The following PRKDC variants were observed in gnomAD, a reference collection of about 807,000 sequenced individuals.
PRKDC encodes DNA-dependent protein kinase catalytic subunit.
A neutral mutation model predicts 486.9 loss-of-function variants in PRKDC; 82 were observed. The ratio of observed to expected loss-of-function variants is 0.17; its 90% confidence interval spans 0.14 to 0.20. PRKDC has a LOEUF of 0.20. PRKDC is among the 10% of genes least tolerant of loss of function. PRKDC has a pLI of 1.00. For synonymous variants in PRKDC, 1,895 were observed against 1,837.0 expected (o/e 1.03, Z -0.81); for missense variants, 4,504 against 5,038.2 (o/e 0.89, Z 3.21).
At chr8:47,820,677 AC>A in intron 66 of PRKDC, 41 bp downstream of exon 66, 1 of 920,718 alleles carries the variant, frequency 1.1e-6, no homozygotes, top group Non-Finnish European at 1.5e-6. Context: ...ATATATATAC[AC>A]TATATATATA....
At chr8:47,831,008 A>C (rs1427116437) in intron 60 of PRKDC, among the ~76,000 whole-genome samples, 1 of 152,224 alleles carries the variant, frequency 6.6e-6, no homozygotes, top group Non-Finnish European at 1.5e-5. Flanking sequence ...AAGTATTTAA[A>C]AACCGGCTGG....
chr8:47,891,746 A>G (rs948651407), intron 31 of PRKDC, among the ~76,000 whole-genome samples: 9 of 152,148 alleles, frequency 5.9e-5, no homozygotes, highest in African/African-American at 2.2e-4. Context: ...ATTCTCAAAA[A>G]CCAAATATCC....
chr8:47,918,606 C>T (rs1434311249), intron 21 of PRKDC, among the ~76,000 whole-genome samples: 1 of 152,134 alleles, frequency 6.6e-6, no homozygotes, highest in South Asian at 2.1e-4. Flanking sequence ...ACTCCAGGGT[C>T]GAGAAGAGCA....
chr8:47,784,665 T>A (rs1301592399), intron 77 of PRKDC, among the ~76,000 whole-genome samples: 1 of 152,100 alleles, frequency 6.6e-6, no homozygotes, highest in Non-Finnish European at 1.5e-5. Flanking sequence ...ATTATGATCT[T>A]TTTTCCTGCA....
At chr8:47,831,034 G>C (rs1297226253) in intron 60 of PRKDC, among the ~76,000 whole-genome samples, 3 of 152,316 alleles carry the variant, frequency 2.0e-5, no homozygotes, top group African/African-American at 4.8e-5. Context: ...TGCATCTCTG[G>C]AAAGTCTCAC....
At position 47,881,472 on chromosome 8, in the gene PRKDC, C is replaced by A. The variant is rs781129481; in HGVS notation, c.5011G>T (p.Val1671Phe). Residue 1671 changes from valine (V) to phenylalanine (F), a missense_variant, in exon 38 of 86, where the codon GTC (valine) becomes TTC (phenylalanine). Val to Phe is a conservative substitution (Grantham distance 50, BLOSUM62 -1). Transcript: ENST00000314191. ...FNTSHGSFPEVFTTYISLLAD... is the reference protein window; with the variant it reads ...FNTSHGSFPEFFTTYISLLAD... ...AGTAGACTAATATATGTTGTAAAGA[C>A]TTCAGGGAATGAACCATGACTTGTA... The A allele has an allele frequency of 1.3e-6, 2 of 1,580,128 alleles. No homozygotes were observed. The highest frequency in any genetic ancestry group is 2.3e-5 in the South Asian group (2 of 88,014).
At chr8:47,876,119 T>C (rs928643154) in intron 40 of PRKDC, among the ~76,000 whole-genome samples, 1 of 152,222 alleles carries the variant, frequency 6.6e-6, no homozygotes, top group Non-Finnish European at 1.5e-5. Flanking sequence ...GGCAGTCAAC[T>C]GTAAATGGTC....
intron 39 of PRKDC, among the ~76,000 whole-genome samples, chr8:47,878,326 C>T (rs202095606): frequency 2.0e-5 from 3 of 152,082 alleles, no homozygotes; most frequent in East Asian, 1.9e-4. Context: ...AGGATGGTCT[C>T]GATCTCCTGA....
intron 69 of PRKDC, among the ~76,000 whole-genome samples, 160 bp downstream of exon 69, chr8:47,806,977 T>G (rs533759069): frequency 6.6e-6 from 1 of 152,238 alleles, no homozygotes; most frequent in East Asian, 1.9e-4. Context: ...ATTACAGGTG[T>G]GAGCCACTGC....
At chr8:47,834,167 T>C in intron 59 of PRKDC, 29 bp downstream of exon 59, 4 of 1,613,362 alleles carry the variant, frequency 2.5e-6, no homozygotes, top group Non-Finnish European at 3.4e-6. Flanking sequence ...GGGGAAGCTA[T>C]TTTAAGCACA....
chr8:47,948,128 G>A (rs1480403634), intron 7 of PRKDC, among the ~76,000 whole-genome samples: 2 of 144,724 alleles, frequency 1.4e-5, no homozygotes, highest in Non-Finnish European at 3.0e-5. Context: ...ACACACACGC[G>A]TTTATATATA....
chr8:47,955,288 T>C (rs1318044444), intron 4 of PRKDC, among the ~76,000 whole-genome samples: 1 of 150,642 alleles, frequency 6.6e-6, no homozygotes, highest in Non-Finnish European at 1.5e-5. Context: ...CGGTGAAACC[T>C]CGTCTCTACT....
intron 54 of PRKDC, among the ~76,000 whole-genome samples, chr8:47,846,239 A>T (rs1482366613): frequency 6.6e-6 from 1 of 152,078 alleles, no homozygotes; most frequent in Admixed American, 6.6e-5. Context: ...AACATGATAA[A>T]ACCCTGTCTC....
intron 23 of PRKDC, among the ~76,000 whole-genome samples, chr8:47,915,024 T>C (rs542647170): frequency 6.6e-5 from 10 of 152,220 alleles, no homozygotes; most frequent in African/African-American, 2.4e-4. Flanking sequence ...CAATATTGGA[T>C]CTCAAAGAGA....
At position 47,840,151 on chromosome 8, in the gene PRKDC, T is replaced by G; in HGVS notation, c.7319A>C (p.Tyr2440Ser). The G allele has an allele frequency of 6.2e-7, 1 of 1,601,490 alleles. No individual in the cohort carries two copies. The highest frequency in any genetic ancestry group is 8.5e-7 in the Non-Finnish European group (1 of 1,172,806). The change falls in exon 55 of 86, where the codon TAT (tyrosine) becomes TCT (serine). Residue 2440 changes from tyrosine (Y) to serine (S), a missense_variant. This residue lies in a region of PRKDC where 1,592 missense variants were observed against 1,724.6 expected (regional missense o/e 0.92). Coordinates refer to ENST00000314191, the MANE Select transcript of PRKDC (RefSeq NM_006904.7). ...TGGTTTTAACTTTGGCATCATCTTA[T>G]AAATTATGTCCAAACATACTTTTTG... ...ERQKVCLDII[Y>S]KMMPKLKPVE...
Position 47,800,996 on chromosome 8 carries a change from TAAAAAA to T in PRKDC, c.9923-16_9923-11del. ...GACACGTTGTTCTCATCTGTTGGAT[TAAAAAA>T]ACAAAACAAAACAAAATTTTGTATG... On this transcript the variant is annotated splice_polypyrimidine_tract_variant and intron_variant, in intron 70 of 85. Coordinates refer to ENST00000314191, the MANE Select transcript of PRKDC (RefSeq NM_006904.7). 6.2e-7 allele frequency: 1 copy of T among 1,611,818 alleles called. No homozygotes were observed. The highest frequency in any genetic ancestry group is 2.2e-5 in the East Asian group (1 of 44,868).
chr8:47,839,682 T>C (rs959979546), intron 55 of PRKDC, among the ~76,000 whole-genome samples: 2 of 152,232 alleles, frequency 1.3e-5, no homozygotes, highest in Admixed American at 1.3e-4. Flanking sequence ...TATACCAAAA[T>C]ACATGTTTTA....
chr8:47,810,529 T>C (rs1320991934), intron 68 of PRKDC, among the ~76,000 whole-genome samples: 1 of 152,200 alleles, frequency 6.6e-6, no homozygotes, highest in Non-Finnish European at 1.5e-5. Flanking sequence ...ATTCACAAGT[T>C]ACATTCAAAA....
Position 47,774,306 on chromosome 8 carries a change from T to C in PRKDC, c.12254A>G (p.Lys4085Arg), listed in dbSNP as rs1288796700. The change falls in exon 86 of 86, where the codon AAA becomes AGA. Residue 4085 changes from lysine (K) to arginine (R), a missense_variant. Coordinates refer to ENST00000314191, the MANE Select transcript of PRKDC (RefSeq NM_006904.7). ...TTCTTGGGCACGAATGTTGTGATCT[T>C]TGCTTCCTCGTGCCACAGCCACATA... ...RDYVAVARGS[K>R]DHNIRAQEPE... 6.2e-7 allele frequency: 1 copy of C among 1,613,310 alleles called. No individual in the cohort carries two copies. The highest frequency in any genetic ancestry group is 1.7e-5 in the Admixed American group (1 of 59,930).
Sources: allele counts gnomAD v4.1 joint callset (sites outside exome capture counted in the v4.1 genomes callset), GRCh38; gene constraint gnomAD v4.1.1; regional missense constraint gnomAD v4.1.1; transcripts MANE v1.5; gene names NCBI Gene and HGNC (gene_info 2026-07-23, HGNC 2026-07-21).